Variants in PRR3 observed in about 807,000 individuals in gnomAD.
PRR3 encodes proline rich 3.
PRR3 carries 16 observed loss-of-function variants against 22.4 expected under a neutral mutation model. The ratio of observed to expected loss-of-function variants is 0.71; its 90% CI spans 0.48 to 1.09. The LOEUF (loss-of-function observed/expected upper bound fraction) is 1.09, where lower values mean the gene tolerates loss of function less well. Ranked by LOEUF, PRR3 falls within the 50% of genes least tolerant of loss-of-function variation. The probability of loss-of-function intolerance (pLI) is 0.00; values close to 1 mark genes in which losing one functional copy is unlikely to be tolerated. For missense variants in PRR3, 224 were observed against 243.4 expected, an observed-to-expected ratio of 0.92 and a Z score of 0.53; for synonymous variants, 87 against 88.6, an observed-to-expected ratio of 0.98 and a Z score of 0.10.
chr6:30,557,356 AAAG>A lies in PRR3; in HGVS notation c.16_18del (p.Lys6del). On this transcript the variant is annotated inframe_deletion, in exon 1 of 4. Transcript: ENST00000376560. ...TTGCCGCAGACACGATGCCGAAACG[AAAG>A]AAGCAGAATCATCACCAGCCACCGA... 1 of 1,612,542 alleles carries A rather than the reference AAAG, an allele frequency of 6.2e-7. No individual in the cohort carries two copies. Among genetic ancestry groups the A allele is most frequent in the African/African-American group, 1.3e-5 (1 of 75,060 alleles).
Position 30,561,477 on chromosome 6 carries a change from C to T in PRR3, c.170-357C>T, listed in dbSNP as rs1278189085. On this transcript the variant is annotated intron_variant, in intron 2 of 3. Coordinates refer to ENST00000376560, the MANE Select transcript of PRR3 (RefSeq NM_025263.4). This position sits in a 1 kb window ranked among gnomAD's most constrained non-coding sequence, Gnocchi z 4.0. ...TGAATCTCACAAACATGATGTTGAGCGAAAGGAGCCAGACATAAAAGAATG... is the reference window on the plus strand; with the variant it reads ...TGAATCTCACAAACATGATGTTGAGTGAAAGGAGCCAGACATAAAAGAATG... The T allele has an allele frequency of 3.3e-5, 17 of 521,020 alleles. No individual in the cohort carries two copies. In the East Asian group the frequency reaches 7.3e-4, roughly 22 times the overall value. 32.3% of individuals were successfully genotyped at this position (521,020 alleles called of 1,614,324 possible). A position where few individuals can be genotyped will look rare whatever the true frequency, so the allele number is the denominator to read the frequency against.
Position 30,561,091 on chromosome 6 carries a change from G to A in PRR3, c.170-743G>A, listed in dbSNP as rs1800599307. ...ACCACCACTTTTCACACTCACCATG[G>A]CAAAATTTAAAAACCTAACAATTCC... is the stretch of plus-strand genomic sequence containing the variant. On this transcript the variant is annotated intron_variant, in intron 2 of 3. Coordinates refer to ENST00000376560, the MANE Select transcript of PRR3 (RefSeq NM_025263.4). This position sits in a 1 kb window ranked among gnomAD's most constrained non-coding sequence, Gnocchi z 4.0. The A allele has an allele frequency of 4.3e-6, 1 of 234,838 alleles. No individual in the cohort carries two copies. The highest frequency in any genetic ancestry group is 8.5e-6 in the Non-Finnish European group (1 of 117,900). The allele number at this position is 234,838 out of a possible 1,614,324, so 14.5% of individuals were successfully genotyped here.
At position 30,562,479 on chromosome 6, in the gene PRR3, A is replaced by C; in HGVS notation, c.551A>C (p.Asn184Thr). The C allele has an allele frequency of 6.2e-7, 1 of 1,608,218 alleles. No individual in the cohort carries two copies. The highest frequency in any genetic ancestry group is 1.1e-5 in the South Asian group (1 of 90,930). The change falls in exon 4 of 4, where the codon AAT becomes ACT. Residue 184 changes from asparagine to threonine, a missense_variant. Physicochemically the swap from Asn to Thr is moderately conservative, Grantham distance 65. Transcript: ENST00000376560. ...DLCAFYHPGV[N>T]GPPL Reference sequence around the variant, plus strand: ...TGTGCCTTCTACCATCCAGGCGTCAATGGACCTCCTCTGTGAGACTGTGCC... The same window carrying C: ...TGTGCCTTCTACCATCCAGGCGTCACTGGACCTCCTCTGTGAGACTGTGCC...
At position 30,561,873 on chromosome 6, in the gene PRR3, T is replaced by G. The variant is rs775371406; in HGVS notation, c.209T>G (p.Ile70Ser). The G allele has an allele frequency of 6.3e-7, 1 of 1,590,984 alleles. No individual in the cohort carries two copies. Among genetic ancestry groups the G allele is most frequent in the Non-Finnish European group, 8.6e-7 (1 of 1,169,078 alleles). Reference protein sequence around the residue: ...RGPPGSRGPLIPPLLSLPPPP... With the variant: ...RGPPGSRGPLSPPLLSLPPPP... The stretch of plus-strand genomic sequence containing the variant: ...CCTCCAGGATCAAGGGGACCACTGA[T>G]TCCACCACTGCTGAGTCTCCCACCT... The change falls in exon 3 of 4, where the codon ATT becomes AGT. Residue 70 changes from isoleucine to serine, a missense_variant. By Grantham distance (142) the Ile-to-Ser change is moderately radical. Coordinates refer to ENST00000376560, the MANE Select transcript of PRR3 (RefSeq NM_025263.4). The surrounding 1 kb of genome is among the most constrained non-coding windows in gnomAD (Gnocchi z 4.0).
At chr6:30,559,330 T>C (rs915205661) in intron 2 of PRR3, among the ~76,000 whole-genome samples, 4 of 152,060 alleles carry the variant, frequency 2.6e-5, no homozygotes, top group Non-Finnish European at 4.4e-5. Flanking sequence ...TGAGCTGAGA[T>C]TGCACCACTG....
chr6:30,562,499 T>C lies in PRR3; in HGVS notation c.*4T>C, dbSNP rs745545238. 3.2e-6 allele frequency: 5 copies of C among 1,570,120 alleles called. No individual in the cohort carries two copies. Among genetic ancestry groups the C allele is most frequent in the Non-Finnish European group, 2.6e-6 (3 of 1,140,624 alleles). On this transcript the variant is annotated 3_prime_UTR_variant, in exon 4 of 4. Coordinates refer to ENST00000376560, the MANE Select transcript of PRR3 (RefSeq NM_025263.4). ...CGTCAATGGACCTCCTCTGTGAGAC[T>C]GTGCCTTCCCATCCAGGCTGGAAGG...
At chr6:30,562,211 TGCTTTTG>T (rs751881053) in intron 3 of PRR3, 87 bp downstream of exon 3, 89 of 1,442,238 alleles carry the variant, frequency 6.2e-5, no homozygotes, top group Non-Finnish European at 8.0e-5. Context: ...CTTTCCTTTT[TGCTTTTG>T]AAGCAGAAGT....
At chr6:30,558,364 C>G in intron 2 of PRR3, 152 bp downstream of exon 2, 1 of 638,916 alleles carries the variant, frequency 1.6e-6, no homozygotes, top group Non-Finnish European at 2.8e-6. Flanking sequence ...TTTAAAAACT[C>G]AATGTTGTAA....
At position 30,562,539 on chromosome 6, in the gene PRR3, T is replaced by C. The variant is rs767711612; in HGVS notation, c.*44T>C. 3 of 1,252,764 alleles carry C rather than the reference T, an allele frequency of 2.4e-6. No homozygotes were observed. The highest frequency in any genetic ancestry group is 3.0e-5 in the African/African-American group (2 of 66,792). The allele number at this position is 1,252,764 out of a possible 1,614,324, so 77.6% of individuals were successfully genotyped here. On this transcript the variant is annotated 3_prime_UTR_variant, in exon 4 of 4. Coordinates refer to ENST00000376560, the MANE Select transcript of PRR3 (RefSeq NM_025263.4). ...AGGCTGGAAGGAGCTCTCTGTGACC[T>C]AGCGGCCATTTATTTCTCTGTAGCC...
At position 30,562,174 on chromosome 6, in the gene PRR3, A is replaced by G. The variant is rs371743897; in HGVS notation, c.460+50A>G. ...TTACTCCCAGAGTGACCTAATTTTCAGAAGATCATTCACAATCTTCTCTGG... is the reference window on the plus strand; with the variant it reads ...TTACTCCCAGAGTGACCTAATTTTCGGAAGATCATTCACAATCTTCTCTGG... On this transcript the variant is annotated intron_variant, in intron 3 of 3. Coordinates refer to ENST00000376560, the MANE Select transcript of PRR3 (RefSeq NM_025263.4). 271 of 1,507,950 alleles carry G rather than the reference A, an allele frequency of 1.8e-4. 3 individuals carry two copies. In the South Asian group the frequency reaches 2.8e-3, roughly 16 times the overall value. 93.4% of individuals were successfully genotyped at this position (1,507,950 alleles called of 1,614,324 possible). A position where few individuals can be genotyped will look rare whatever the true frequency, so the allele number is the denominator to read the frequency against.
chr6:30,557,588 T>C, intron 1 of PRR3, 138 bp downstream of exon 1: 1 of 634,040 alleles, frequency 1.6e-6, no homozygotes, highest in Non-Finnish European at 2.8e-6. Flanking sequence ...GAAGTGGGGC[T>C]CTCCCAAATG....
chr6:30,557,839 A>G (rs538001231), intron 1 of PRR3, among the ~76,000 whole-genome samples: 1 of 152,358 alleles, frequency 6.6e-6, no homozygotes, highest in Non-Finnish European at 1.5e-5. Flanking sequence ...CCAGCAGTTA[A>G]GGTGAGGGAT....
Position 30,561,896 on chromosome 6 carries a change from C to T in PRR3, c.232C>T (p.Pro78Ser). ...PLIPPLLSLP[P>S]PPWGRGPIRR... The stretch of plus-strand genomic sequence containing the variant: ...GATTCCACCACTGCTGAGTCTCCCA[C>T]CTCCTCCTTGGGGTAGAGGCCCAAT... Residue 78 changes from proline (P) to serine (S), a missense_variant, in exon 3 of 4, where the codon CCT becomes TCT. Pro to Ser is a moderately conservative substitution (Grantham distance 74). Coordinates refer to ENST00000376560, the MANE Select transcript of PRR3 (RefSeq NM_025263.4). This position sits in a 1 kb window ranked among gnomAD's most constrained non-coding sequence, Gnocchi z 4.0. 2 of 1,609,502 alleles carry T rather than the reference C, an allele frequency of 1.2e-6. No individual in the cohort carries two copies. The highest frequency in any genetic ancestry group is 1.7e-6 in the Non-Finnish European group (2 of 1,178,470).
intron 3 of PRR3, 96 bp downstream of exon 3, chr6:30,562,220 A>G: frequency 3.7e-6 from 5 of 1,363,712 alleles, no homozygotes; most frequent in South Asian, 1.4e-5. Context: ...TTGCTTTTGA[A>G]GCAGAAGTAG....
chr6:30,557,556 G>A, intron 1 of PRR3, 106 bp downstream of exon 1: 1 of 751,884 alleles, frequency 1.3e-6, no homozygotes, highest in South Asian at 1.7e-5. Flanking sequence ...AGGAGGAAGG[G>A]CGCACGCGCT....
At chr6:30,557,991 A>AC (rs1280968952) in intron 1 of PRR3, among the ~76,000 whole-genome samples, 159 bp from the exon 2 acceptor site, 1 of 152,264 alleles carries the variant, frequency 6.6e-6, no homozygotes, top group Admixed American at 6.5e-5. Flanking sequence ...TTGCAGAAAA[A>AC]AGGGCAGATA....
chr6:30,557,573 G>T, intron 1 of PRR3, 123 bp downstream of exon 1: 1 of 664,936 alleles, frequency 1.5e-6, no homozygotes, highest in Non-Finnish European at 2.6e-6. Flanking sequence ...CGCTGGGGAG[G>T]GATGGAAGTG....
Position 30,557,301 on chromosome 6 carries a change from C to G in PRR3, c.-44C>G. On this transcript the variant is annotated 5_prime_UTR_variant, in exon 1 of 4. Transcript: ENST00000376560. ...AAACAGAATCCCCGCGTGCCCCTTC[C>G]TCACTACCCTCCAAATCCCGCTGCA... 6.6e-7 allele frequency: 1 copy of G among 1,513,168 alleles called. No homozygotes were observed. Among genetic ancestry groups the G allele is most frequent in the Non-Finnish European group, 9.1e-7 (1 of 1,098,212 alleles). 93.7% of individuals were successfully genotyped at this position (1,513,168 alleles called of 1,614,324 possible).
At chr6:30,562,205 C>T (rs952193451) in intron 3 of PRR3, 81 bp downstream of exon 3, 16 of 1,456,416 alleles carry the variant, frequency 1.1e-5, no homozygotes, top group Non-Finnish European at 1.5e-5. Flanking sequence ...TCTGGGCTTT[C>T]CTTTTTGCTT....
Sources: gnomAD v4.1 joint callset for allele counts (sites outside exome capture counted in the v4.1 genomes callset) on GRCh38, gnomAD v4.1.1 for gene constraint, Gnocchi (gnomAD v3.1) non-coding constraint, MANE v1.5 for transcripts, NCBI Gene and HGNC (gene_info 2026-07-23, HGNC 2026-07-21) for gene names.